The following P3H2 variants were observed in gnomAD, a reference collection of about 807,000 sequenced individuals.
P3H2 encodes leprecan-like 1.
In P3H2, 80 loss-of-function variants were observed where a neutral mutation model predicts 87.0. That is an observed-to-expected ratio of 0.92 (90% CI 0.77 to 1.11). The LOEUF (loss-of-function observed/expected upper bound fraction) is 1.11. Among genes scored for constraint, P3H2 ranks in the 50% least tolerant of loss-of-function variants. P3H2 has a pLI of 0.00. For synonymous variants in P3H2, 367 were observed against 359.3 expected, an observed-to-expected ratio of 1.02 and a Z score of -0.24; for missense variants, 1,001 against 923.9, an observed-to-expected ratio of 1.08 and a Z score of -1.08.
At chr3:190,055,640 T>A (rs1170336041) in intron 1 of P3H2, among the ~76,000 whole-genome samples, 1 of 152,092 alleles carries the variant, frequency 6.6e-6, no homozygotes, top group Non-Finnish European at 1.5e-5. Context: ...TACAAAACGA[T>A]CATATTCTCT....
chr3:190,002,359 G>T (rs1025780085), intron 1 of P3H2, among the ~76,000 whole-genome samples: 2 of 151,558 alleles, frequency 1.3e-5, no homozygotes, highest in African/African-American at 2.4e-5. Flanking sequence ...GTCATTTACA[G>T]TAACTATATT....
At chr3:190,039,291 G>T (rs951529478) in intron 1 of P3H2, among the ~76,000 whole-genome samples, 2 of 151,830 alleles carry the variant, frequency 1.3e-5, no homozygotes, top group African/African-American at 4.8e-5. Flanking sequence ...TCCCCCAAAC[G>T]CAACTACCAG....
intron 8 of P3H2, among the ~76,000 whole-genome samples, chr3:189,979,932 T>C (rs1441176936): frequency 2.6e-5 from 4 of 151,782 alleles, no homozygotes; most frequent in Non-Finnish European, 5.9e-5. Context: ...CGCACCACTG[T>C]ACTCCCGCCT....
intron 8 of P3H2, among the ~76,000 whole-genome samples, chr3:189,977,836 C>G (rs1003595909): frequency 3.3e-5 from 5 of 151,958 alleles, no homozygotes; most frequent in African/African-American, 1.2e-4. Context: ...TCTTCAACTC[C>G]TGGACTCAAG....
intron 1 of P3H2, among the ~76,000 whole-genome samples, chr3:190,101,769 C>T (rs759716145): frequency 4.6e-5 from 7 of 152,182 alleles, no homozygotes; most frequent in Non-Finnish European, 1.0e-4. Context: ...CACTAAACAA[C>T]AAATTTTCAT....
chr3:190,113,913 T>C (rs893115229), intron 1 of P3H2, among the ~76,000 whole-genome samples: 15 of 151,746 alleles, frequency 9.9e-5, no homozygotes, highest in Middle Eastern at 3.4e-3. Flanking sequence ...CCGTCTCTAC[T>C]AAAAATACAA....
At chr3:190,116,831 A>G (rs1419706293) in intron 1 of P3H2, among the ~76,000 whole-genome samples, 1 of 152,250 alleles carries the variant, frequency 6.6e-6, no homozygotes, top group Non-Finnish European at 1.5e-5. Context: ...CCTTTAAACA[A>G]AAAGTATGGC....
intron 1 of P3H2, among the ~76,000 whole-genome samples, chr3:190,107,762 G>A (rs999462126): frequency 6.6e-6 from 1 of 152,114 alleles, no homozygotes; most frequent in African/African-American, 2.4e-5. Flanking sequence ...AAAAGGCATT[G>A]TTTCATATCT....
chr3:189,997,839 A>T (rs1412480264), intron 1 of P3H2, among the ~76,000 whole-genome samples: 1 of 152,204 alleles, frequency 6.6e-6, no homozygotes, highest in African/African-American at 2.4e-5. Flanking sequence ...GATAAATATG[A>T]ATTGTATGCA....
At chr3:190,051,539 CT>C (rs1725984142) in intron 1 of P3H2, among the ~76,000 whole-genome samples, 1 of 152,162 alleles carries the variant, frequency 6.6e-6, no homozygotes, top group Non-Finnish European at 1.5e-5. Context: ...CAAGTTACAG[CT>C]TATTTTCTTT....
rs1398712598 is a variant in P3H2, at chr3:190,066,178, C to CACACACACACAT, written c.480+54073_480+54074insATGTGTGTGTGT. ...ATATATACACACACACACACACACACATATATACACACATATATATATGAT... is the reference window on the plus strand; with the variant it reads ...ATATATACACACACACACACACACACACACACACACATATATATACACACATATATATATGAT... On this transcript the variant is annotated intron_variant, in intron 1 of 14. Coordinates refer to ENST00000319332, the MANE Select transcript of P3H2 (RefSeq NM_018192.4). 1.5e-4 allele frequency among the ~76,000 whole-genome samples: 21 copies of CACACACACACAT among 143,288 alleles called. 1 individual carries two copies. The highest frequency in any genetic ancestry group is 5.3e-4 in the African/African-American group (19 of 35,992). 94.0% of individuals were successfully genotyped at this position (143,288 alleles called of 152,430 possible). A position where few individuals can be genotyped will look rare whatever the true frequency, so the allele number is the denominator to read the frequency against.
At chr3:190,016,681 T>G in intron 1 of P3H2, among the ~76,000 whole-genome samples, 1 of 152,254 alleles carries the variant, frequency 6.6e-6, no homozygotes, top group Non-Finnish European at 1.5e-5. Context: ...GTAGTCTCAT[T>G]GCTTTTTTCC....
intron 1 of P3H2, among the ~76,000 whole-genome samples, chr3:190,075,868 T>C (rs1056404748): frequency 1.3e-5 from 2 of 152,196 alleles, no homozygotes; most frequent in African/African-American, 4.8e-5. Context: ...GGTTGTATTT[T>C]AGAGGAATAA....
At chr3:189,999,831 A>C (rs1724155916) in intron 1 of P3H2, among the ~76,000 whole-genome samples, 1 of 152,192 alleles carries the variant, frequency 6.6e-6, no homozygotes, top group South Asian at 2.1e-4. Context: ...TGCCTTCAAG[A>C]AGCTTAGGGC....
intron 1 of P3H2, among the ~76,000 whole-genome samples, chr3:190,002,779 A>G (rs74614699): frequency 0.024 from 3,605 of 152,318 alleles, 157 homozygotes; most frequent in African/African-American, 0.083. Context: ...CCATTTCAAA[A>G]ATCTAACTAT....
chr3:189,973,511 C>CTTTTTTTTTTTTTTTTTT (rs869099221), intron 10 of P3H2, among the ~76,000 whole-genome samples: 4 of 35,462 alleles, frequency 1.1e-4, no homozygotes, highest in African/African-American at 3.9e-4. Context: ...TTCTTTCTTT[C>CTTTTTTTTTTTTTTTTTT]TTTTTTTTTT....
intron 3 of P3H2, among the ~76,000 whole-genome samples, chr3:189,992,388 G>A (rs899322696): frequency 4.6e-5 from 7 of 152,084 alleles, no homozygotes; most frequent in South Asian, 2.1e-4. Flanking sequence ...GAGCCACCGC[G>A]CCCGGATGAG....
chr3:190,001,841 A>G (rs545131930), intron 1 of P3H2, among the ~76,000 whole-genome samples: 7 of 152,360 alleles, frequency 4.6e-5, no homozygotes, highest in East Asian at 1.9e-4. Flanking sequence ...ATTTTTGCCA[A>G]CTTGAGTTAA....
At chr3:190,024,276 C>T (rs2108942663) in intron 1 of P3H2, among the ~76,000 whole-genome samples, 1 of 152,176 alleles carries the variant, frequency 6.6e-6, no homozygotes. Context: ...CAGTGGCTCA[C>T]ACCTGTAATC....
Sources: gnomAD v4.1 joint callset for allele counts (sites outside exome capture counted in the v4.1 genomes callset) on GRCh38, gnomAD v4.1.1 for gene constraint, MANE v1.5 for transcripts, NCBI Gene and HGNC (gene_info 2026-07-23, HGNC 2026-07-21) for gene names.